PFKFB3: variants seen among roughly 807,000 people sequenced by gnomAD.
PFKFB3 encodes 6-phosphofructo-2-kinase/fructose-2,6-bisphosphatase 3.
In PFKFB3, 33 loss-of-function variants were observed where a neutral mutation model predicts 68.0. The observed-to-expected ratio is 0.49, with a 90% CI of 0.37 to 0.65. PFKFB3 has a LOEUF of 0.65. PFKFB3 is among the 30% of genes least tolerant of loss of function. The pLI is 0.00. For synonymous variants in PFKFB3, 315 were observed against 288.2 expected, an observed-to-expected ratio of 1.09 and a Z score of -0.94; for missense variants, 586 against 712.2, an observed-to-expected ratio of 0.82 and a Z score of 2.02.
chr10:6,293,269 G>A, the PFKFB3 span: 1 of 421,694 alleles, frequency 2.4e-6, no homozygotes. Context: ...TCTGTCTGTT[G>A]ATTTCACAGA....
At chr10:6,146,894 G>A (rs953236413) in intron 1 of PFKFB3, among the ~76,000 whole-genome samples, 8 of 152,226 alleles carry the variant, frequency 5.3e-5, no homozygotes, top group Non-Finnish European at 1.2e-4. Flanking sequence ...AGAGGAAAAT[G>A]TTATCCTTGC....
At chr10:6,225,224 TTC>T in intron 13 of PFKFB3, 2 of 456,226 alleles carry the variant, frequency 4.4e-6, no homozygotes, top group South Asian at 3.1e-5. Flanking sequence ...GAGCGTGACT[TTC>T]TGTCATGGCG....
chr10:6,202,924 G>A (rs1032904262), upstream of PFKFB3: 2 of 1,198,528 alleles, frequency 1.7e-6, no homozygotes, highest in Non-Finnish European at 2.1e-6. Flanking sequence ...CGGTGCGCGG[G>A]GCATCCCAGC....
intron 14 of PFKFB3, chr10:6,231,176 A>G (rs1203116202): frequency 2.1e-6 from 2 of 968,684 alleles, no homozygotes; most frequent in East Asian, 4.8e-5. Flanking sequence ...AAAATTTCAA[A>G]TGCACACTAG....
intron 11 of PFKFB3, among the ~76,000 whole-genome samples, chr10:6,223,452 G>A (rs1430312343): frequency 6.6e-6 from 1 of 152,164 alleles, no homozygotes; most frequent in East Asian, 1.9e-4. Context: ...CCGTGAGGGC[G>A]AGTCTTTTGG....
In PFKFB3 at chr10:6,215,109, A is replaced by G. The variant is rs1844473862; in HGVS notation, c.203-112A>G. On this transcript the variant is annotated intron_variant, in intron 2 of 14. Coordinates refer to ENST00000379775, the MANE Select transcript of PFKFB3 (RefSeq NM_004566.4). The surrounding 1 kb of genome is among the most constrained non-coding windows in gnomAD (Gnocchi z 4.3). ...CATTGCTTCCACACCATCTCATTCA[A>G]GTCGGTGTGGTTGGCCTGGTGGCTC... 1.8e-5 allele frequency: 15 copies of G among 811,930 alleles called. No individual in the cohort carries two copies. The highest frequency in any genetic ancestry group is 2.3e-4 in the Middle Eastern group (1 of 4,436). The allele number at this position is 811,930 out of a possible 1,614,324, so 50.3% of individuals were successfully genotyped here. A position where few individuals can be genotyped will look rare whatever the true frequency, so the allele number is the denominator to read the frequency against.
rs376533080 is a variant in PFKFB3, at chr10:6,232,877, C to G, written c.1516-18C>G. ...AAATCCTAACTCCCTCCCCACCTCT[C>G]TTTTCTCCTGAAAACAGAACATGAA... On this transcript the variant is annotated intron_variant, in intron 14 of 14. Transcript: ENST00000379775. The G allele has an allele frequency of 1.9e-6, 3 of 1,609,004 alleles. No homozygotes were observed. The Admixed American group carries it at 5.0e-5, about 27-fold the overall frequency.
At chr10:6,298,204 AAC>A in the PFKFB3 span, among the ~76,000 whole-genome samples, 1 of 152,076 alleles carries the variant, frequency 6.6e-6, no homozygotes, top group Non-Finnish European at 1.5e-5. Flanking sequence ...AGCCAAGCCA[AAC>A]ACACTTCTCC....
intron 1 of PFKFB3, among the ~76,000 whole-genome samples, chr10:6,211,209 TTG>T: frequency 6.5e-4 from 1 of 1,550 alleles, no homozygotes; most frequent in East Asian, 0.1. Flanking sequence ...GCTGTCTTTA[TTG>T]TTGTTATTGT....
At chr10:6,221,574 C>T (rs929456856) in intron 9 of PFKFB3, 47 bp downstream of exon 9, 15 of 1,611,186 alleles carry the variant, frequency 9.3e-6, no homozygotes, top group Admixed American at 3.3e-5. Flanking sequence ...GGGCATGGGG[C>T]GGCTTCCCAA....
At chr10:6,184,253 A>G (rs605358) in intron 1 of PFKFB3, among the ~76,000 whole-genome samples, 109,691 of 151,354 alleles carry the variant, frequency 0.72, 40,186 homozygotes, top group Non-Finnish European at 0.79. Context: ...GGGTTTCGCC[A>G]TGTTGTCCAG....
the PFKFB3 span, among the ~76,000 whole-genome samples, chr10:6,283,864 G>T: frequency 6.6e-6 from 1 of 152,062 alleles, no homozygotes. Flanking sequence ...GGACCCTGGT[G>T]CCACCCCATG....
At position 6,225,360 on chromosome 10, in the gene PFKFB3, G is replaced by A. The variant is rs1189824519; in HGVS notation, c.1342-832G>A. Reference sequence around the variant, plus strand: ...CTGGTGGGCTGACCTGAGAGAGGCTGGGGTCCCTTGGCCGCCTTGGTCCCT... The same window carrying A: ...CTGGTGGGCTGACCTGAGAGAGGCTAGGGTCCCTTGGCCGCCTTGGTCCCT... On this transcript the variant is annotated intron_variant, in intron 13 of 14. Coordinates refer to ENST00000379775, the MANE Select transcript of PFKFB3 (RefSeq NM_004566.4). The A allele has an allele frequency of 7.8e-6, 3 of 383,312 alleles. No individual in the cohort carries two copies. The Admixed American group carries it at 8.7e-5, about 11-fold the overall frequency. The allele number at this position is 383,312 out of a possible 1,614,324, so 23.7% of individuals were successfully genotyped here.
chr10:6,293,749 T>A, the PFKFB3 span: 1 of 339,594 alleles, frequency 2.9e-6, no homozygotes, highest in African/African-American at 2.2e-5. Flanking sequence ...AGAAATCTTC[T>A]CTTGAAAAGC....
At chr10:6,166,203 A>T (rs1842134045) in intron 1 of PFKFB3, among the ~76,000 whole-genome samples, 1 of 152,052 alleles carries the variant, frequency 6.6e-6, no homozygotes, top group Non-Finnish European at 1.5e-5. Context: ...GCTGGCCTCG[A>T]ACACCTGAGC....
intron 1 of PFKFB3, among the ~76,000 whole-genome samples, chr10:6,155,563 C>T (rs1352688346): frequency 6.6e-6 from 1 of 152,130 alleles, no homozygotes; most frequent in African/African-American, 2.4e-5. Context: ...AACCAAATGT[C>T]TGTCCTTCCT....
chr10:6,233,813 T>C lies in PFKFB3; in HGVS notation c.*871T>C, dbSNP rs55643411. On this transcript the variant is annotated 3_prime_UTR_variant, in exon 15 of 15. Coordinates refer to ENST00000379775, the MANE Select transcript of PFKFB3 (RefSeq NM_004566.4). ...ACCTTCTCTTCAGGAACGTAGATGT[T>C]GGGGTGTCTTGCCCTGGGGGGCTTG... The C allele has an allele frequency of 0.27, 41,923 of 152,874 alleles. 5,841 individuals carry two copies. Among genetic ancestry groups the C allele is most frequent in the African/African-American group, 0.29 (12,222 of 41,548 alleles). 9.5% of individuals were successfully genotyped at this position (152,874 alleles called of 1,614,324 possible). A position where few individuals can be genotyped will look rare whatever the true frequency, so the allele number is the denominator to read the frequency against.
At position 6,146,561 on chromosome 10, in the gene PFKFB3, A is replaced by C; in HGVS notation, c.16+1548A>C. 5.0e-6 allele frequency: 7 copies of C among 1,392,028 alleles called. 1 individual carries two copies. The highest frequency in any genetic ancestry group is 6.8e-6 in the Non-Finnish European group (7 of 1,021,982). 86.2% of individuals were successfully genotyped at this position (1,392,028 alleles called of 1,614,324 possible). A position where few individuals can be genotyped will look rare whatever the true frequency, so the allele number is the denominator to read the frequency against. ...GCTCTCAGAGTGTCCCTCCCCCCCT[A>C]CTCATTAACTGCAGGGGACAATCAT... On this transcript the variant is annotated intron_variant, in intron 1 of 14. Transcript: ENST00000379789.
chr10:6,219,460 T>A, intron 6 of PFKFB3, 109 bp from the exon 7 acceptor site: 1 of 1,210,718 alleles, frequency 8.3e-7, no homozygotes, highest in Non-Finnish European at 1.2e-6. Context: ...CGGATAATCT[T>A]TATACTGAGC....
Sources: gnomAD v4.1 joint callset for allele counts (sites outside exome capture counted in the v4.1 genomes callset) on GRCh38, gnomAD v4.1.1 for gene constraint, Gnocchi (gnomAD v3.1) non-coding constraint, MANE v1.5 for transcripts, NCBI Gene and HGNC (gene_info 2026-07-23, HGNC 2026-07-21) for gene names.